CCL3: variants seen among roughly 807,000 people sequenced by gnomAD.
CCL3 encodes C-C motif chemokine 3.
In CCL3, 6 loss-of-function variants were observed where a neutral mutation model predicts 8.1. The ratio of observed to expected loss-of-function variants is 0.74; its 90% CI spans 0.41 to 1.46. The LOEUF (loss-of-function observed/expected upper bound fraction) is 1.46. Ranked by LOEUF, CCL3 falls within the 40% of genes most tolerant of loss-of-function variation. The pLI is 0.02. For synonymous variants in CCL3, 45 were observed against 45.1 expected, an observed-to-expected ratio of 1.00 and a Z score of 0.01; for missense variants, 109 against 117.7, an observed-to-expected ratio of 0.93 and a Z score of 0.34.
chr17:36,088,365 T>C lies in CCL3; in HGVS notation c.*307A>G. On this transcript the variant is annotated 3_prime_UTR_variant, in exon 3 of 3. Coordinates refer to ENST00000613922, the MANE Select transcript of CCL3 (RefSeq NM_002983.3). The stretch of plus-strand genomic sequence containing the variant: ...TGGTGGCTTTGGTGCCATGACTGCC[T>C]ACACAGGCTGATGACAGCCACTCGG... The C allele has an allele frequency of 4.7e-6, 2 of 424,410 alleles. No individual in the cohort carries two copies. The highest frequency in any genetic ancestry group is 8.5e-6 in the Non-Finnish European group (2 of 235,566). The allele number at this position is 424,410 out of a possible 1,614,324, so 26.3% of individuals were successfully genotyped here.
Position 36,090,043 on chromosome 17 carries a change from C to T in CCL3, c.16G>A (p.Ala6Thr). MQVST[A>T]ALAVLLCTMA... The stretch of plus-strand genomic sequence containing the variant: ...GTGCAGAGGAGGACAGCAAGGGCAG[C>T]AGTGGAGACCTGCATGATTCTGAGC... Residue 6 changes from alanine to threonine, a missense_variant, in exon 1 of 3, where the codon GCT becomes ACT. Transcript: ENST00000613922. 1 of 1,613,506 alleles carries T rather than the reference C, an allele frequency of 6.2e-7. No individual in the cohort carries two copies. Among genetic ancestry groups the T allele is most frequent in the East Asian group, 2.2e-5 (1 of 44,886 alleles).
chr17:36,089,066 G>A lies in CCL3; in HGVS notation c.188+117C>T, dbSNP rs147194302. 1,863 of 1,348,436 alleles carry A rather than the reference G, an allele frequency of 1.4e-3. 23 individuals carry two copies. The African/African-American group carries it at 0.023, about 17-fold the overall frequency. The allele number at this position is 1,348,436 out of a possible 1,614,324, so 83.5% of individuals were successfully genotyped here. ...GTCACACCTCGGAGCCCTGCGTCCT[G>A]TATCCCCGATAGGCTCCTGAAGGCT... On this transcript the variant is annotated intron_variant, in intron 2 of 2. Coordinates refer to ENST00000613922, the MANE Select transcript of CCL3 (RefSeq NM_002983.3).
At chr17:36,088,856 C>T (rs2067012638) in intron 2 of CCL3, 94 bp from the exon 3 acceptor site, 2 of 1,526,318 alleles carry the variant, frequency 1.3e-6, no homozygotes, top group Non-Finnish European at 9.1e-7. Context: ...CTGTCCTGGG[C>T]AGCTCAGGGC....
intron 2 of CCL3, 56 bp from the exon 3 acceptor site, chr17:36,088,818 G>GCCCACCATGGC (rs1259993217): frequency 6.3e-7 from 1 of 1,599,886 alleles, no homozygotes; most frequent in Non-Finnish European, 8.6e-7. Context: ...GGAATCCTGG[G>GCCCACCATGGC]CCCACCATGG....
At position 36,089,281 on chromosome 17, in the gene CCL3, C is replaced by T. The variant is rs751971057; in HGVS notation, c.90G>A (p.Pro30=). The T allele has an allele frequency of 5.7e-5, 92 of 1,613,862 alleles. No individual in the cohort carries two copies. The South Asian group carries it at 6.8e-4, about 12-fold the overall frequency. Residue 30 remains proline, a synonymous_variant, in exon 2 of 3, where the codon CCG becomes CCA. Transcript: ENST00000613922. ...AGGTGTAGCTGAAGCAGCAGGCGGT[C>T]GGCGTGTCAGCAGCAACTGTGGAGA... ...QFSASLAADT[P]TACCFSYTSR...
intron 2 of CCL3, 61 bp downstream of exon 2, chr17:36,089,122 C>T (rs542137401): frequency 1.3e-4 from 212 of 1,605,806 alleles, no homozygotes; most frequent in Admixed American, 5.0e-4. Flanking sequence ...TCTGGCCTGT[C>T]TCTGCCCCAA....
rs776769566 is a variant in CCL3 at position 36,088,756 on chromosome 17, T to C, written c.195A>G (p.Leu65=). The part of the protein sequence containing the change: ...SQCSKPGVIF[L]TKRSRQVCAD... ...CACAGACCTGCCGGCTTCGCTTGGT[T>C]AGGAAGCTGTGGAGAAGGGAGGAAG... The change falls in exon 3 of 3, where the codon CTA becomes CTG. Residue 65 remains leucine, a synonymous_variant. Coordinates refer to ENST00000613922, the MANE Select transcript of CCL3 (RefSeq NM_002983.3). The C allele has an allele frequency of 6.8e-6, 11 of 1,613,780 alleles. No homozygotes were observed. The African/African-American group carries it at 1.5e-4, about 22-fold the overall frequency.
chr17:36,089,978 A>G lies in CCL3; in HGVS notation c.73+8T>C, dbSNP rs1193430381. ...AGTGGTGATACCCACAACGAAACTCAGACTCACGTGATGCAGAGAACTGGT... is the reference window on the plus strand; with the variant it reads ...AGTGGTGATACCCACAACGAAACTCGGACTCACGTGATGCAGAGAACTGGT... On this transcript the variant is annotated splice_region_variant and intron_variant, in intron 1 of 2. Coordinates refer to ENST00000613922, the MANE Select transcript of CCL3 (RefSeq NM_002983.3). 4 of 1,613,394 alleles carry G rather than the reference A, an allele frequency of 2.5e-6. No homozygotes were observed. Among genetic ancestry groups the G allele is most frequent in the African/African-American group, 1.3e-5 (1 of 74,918 alleles).
Sources: allele counts gnomAD v4.1 joint callset, GRCh38; gene constraint gnomAD v4.1.1; transcripts MANE v1.5; gene names NCBI Gene and HGNC (gene_info 2026-07-23, HGNC 2026-07-21).